PLCXD3: variants seen among roughly 807,000 people sequenced by gnomAD.
PLCXD3 encodes phosphatidylinositol specific phospholipase C X domain containing 3.
Under a neutral mutation model 25.5 loss-of-function variants are expected in PLCXD3, and 19 were observed. The ratio of observed to expected loss-of-function variants is 0.75; its 90% CI spans 0.52 to 1.09. The LOEUF is 1.09. PLCXD3 is among the 50% of genes least tolerant of loss of function. PLCXD3 has a pLI of 0.00. For synonymous variants in PLCXD3, 174 were observed against 137.6 expected, an observed-to-expected ratio of 1.26 and a Z score of -1.85; for missense variants, 411 against 388.1, an observed-to-expected ratio of 1.06 and a Z score of -0.50.
At chr5:41,388,824 A>C (rs771532114) in intron 1 of PLCXD3, among the ~76,000 whole-genome samples, 5 of 152,014 alleles carry the variant, frequency 3.3e-5, no homozygotes, top group African/African-American at 4.8e-5. Context: ...TTTTACTATT[A>C]ACTATGAACT....
intron 1 of PLCXD3, among the ~76,000 whole-genome samples, chr5:41,479,713 G>GAGAGAGAGAGAGAGAA (rs1454406484): frequency 7.9e-6 from 1 of 126,796 alleles, no homozygotes; most frequent in Non-Finnish European, 1.7e-5. Flanking sequence ...TGCTGAGAGG[G>GAGAGAGAGAGAGAGAA]AGAGAGAGAG....
At chr5:41,360,816 A>T (rs891751644) in intron 2 of PLCXD3, among the ~76,000 whole-genome samples, 35 of 151,532 alleles carry the variant, frequency 2.3e-4, no homozygotes, top group African/African-American at 7.8e-4. Context: ...TGTTTAATGC[A>T]TTGGTTTTGT....
intron 1 of PLCXD3, among the ~76,000 whole-genome samples, chr5:41,498,359 A>G (rs942249249): frequency 6.6e-6 from 1 of 151,666 alleles, no homozygotes; most frequent in African/African-American, 2.4e-5. Flanking sequence ...CTAATTCCAC[A>G]TAAAGGATTA....
chr5:41,349,800 T>A (rs1302672081), intron 2 of PLCXD3, among the ~76,000 whole-genome samples: 1 of 152,180 alleles, frequency 6.6e-6, no homozygotes, highest in Non-Finnish European at 1.5e-5. Flanking sequence ...TATCCTGTAG[T>A]TACAGAGCAC....
chr5:41,329,790 A>ATGTAT (rs1445835594), intron 2 of PLCXD3, among the ~76,000 whole-genome samples: 1 of 149,168 alleles, frequency 6.7e-6, no homozygotes, highest in Non-Finnish European at 1.5e-5. Context: ...ATATAATCAG[A>ATGTAT]TGTATTTAAT....
chr5:41,490,861 T>G (rs1431170491), intron 1 of PLCXD3, among the ~76,000 whole-genome samples: 7 of 152,194 alleles, frequency 4.6e-5, no homozygotes, highest in African/African-American at 1.2e-4. Flanking sequence ...GTCTATCAAT[T>G]TTGTTGATCC....
At chr5:41,321,964 A>T (rs191223714) in intron 2 of PLCXD3, among the ~76,000 whole-genome samples, 42 of 152,328 alleles carry the variant, frequency 2.8e-4, no homozygotes, top group African/African-American at 9.9e-4. Flanking sequence ...AAGACCTCAA[A>T]CTATGAAACT....
intron 2 of PLCXD3, among the ~76,000 whole-genome samples, chr5:41,330,388 T>A (rs1162069471): frequency 6.6e-6 from 1 of 152,072 alleles, no homozygotes; most frequent in African/African-American, 2.4e-5. Flanking sequence ...CTCCCAAGAC[T>A]AAACCAGGAA....
chr5:41,415,209 G>A (rs1746665696), intron 1 of PLCXD3, among the ~76,000 whole-genome samples: 1 of 152,144 alleles, frequency 6.6e-6, no homozygotes, highest in Non-Finnish European at 1.5e-5. Context: ...TAAATGACAG[G>A]TGAGATTAGA....
chr5:41,364,521 G>C (rs1056493503), intron 2 of PLCXD3, among the ~76,000 whole-genome samples: 18 of 152,154 alleles, frequency 1.2e-4, no homozygotes, highest in Admixed American at 1.2e-3. Context: ...CATCTTAAAA[G>C]CCTAATTGGC....
At chr5:41,377,802 T>A (rs530607053) in intron 2 of PLCXD3, among the ~76,000 whole-genome samples, 1 of 152,088 alleles carries the variant, frequency 6.6e-6, no homozygotes, top group African/African-American at 2.4e-5. Flanking sequence ...ATATTAGGCA[T>A]GATTTTAAAA....
chr5:41,407,856 T>C (rs1746397199), intron 1 of PLCXD3, among the ~76,000 whole-genome samples: 1 of 152,234 alleles, frequency 6.6e-6, no homozygotes, highest in South Asian at 2.1e-4. Context: ...TCTTTCATAT[T>C]GTGTAAAGCC....
chr5:41,473,755 C>T (rs776012536), intron 1 of PLCXD3, among the ~76,000 whole-genome samples: 23 of 152,128 alleles, frequency 1.5e-4, no homozygotes, highest in South Asian at 2.1e-4. Flanking sequence ...CACACCCAGC[C>T]GCCATTAGTT....
chr5:41,348,235 C>G (rs892182827), intron 2 of PLCXD3, among the ~76,000 whole-genome samples: 1 of 152,052 alleles, frequency 6.6e-6, no homozygotes, highest in Non-Finnish European at 1.5e-5. Context: ...ACATTATGAT[C>G]TAATAGACGT....
At chr5:41,499,080 A>T (rs1748897594) in intron 1 of PLCXD3, among the ~76,000 whole-genome samples, 1 of 151,526 alleles carries the variant, frequency 6.6e-6, no homozygotes. Flanking sequence ...TCCCTCTAAG[A>T]CCAGGAAGAA....
At chr5:41,497,309 C>G (rs1288226089) in intron 1 of PLCXD3, among the ~76,000 whole-genome samples, 2 of 151,744 alleles carry the variant, frequency 1.3e-5, no homozygotes, top group Non-Finnish European at 3.0e-5. Context: ...GACTTGAGAA[C>G]ATACATAGGC....
intron 2 of PLCXD3, among the ~76,000 whole-genome samples, chr5:41,326,382 C>T (rs1743627578): frequency 6.6e-6 from 1 of 151,994 alleles, no homozygotes; most frequent in South Asian, 2.1e-4. Context: ...ATTATTATTC[C>T]TCTTCATGAA....
intron 1 of PLCXD3, among the ~76,000 whole-genome samples, chr5:41,500,677 G>A (rs778581188): frequency 2.2e-4 from 34 of 151,606 alleles, no homozygotes; most frequent in Non-Finnish European, 1.5e-4. Flanking sequence ...ATGAGTTTTT[G>A]GATATGAAAT....
intron 1 of PLCXD3, among the ~76,000 whole-genome samples, chr5:41,460,212 C>A (rs755262944): frequency 6.6e-6 from 1 of 151,878 alleles, no homozygotes; most frequent in African/African-American, 2.4e-5. Context: ...ATGTTCATTC[C>A]TAGCACTCCA....
Sources: allele counts gnomAD v4.1 joint callset (sites outside exome capture counted in the v4.1 genomes callset), GRCh38; gene constraint gnomAD v4.1.1; transcripts MANE v1.5; gene names NCBI Gene and HGNC (gene_info 2026-07-23, HGNC 2026-07-21).